The following DPYSL4 variants were observed in gnomAD, a reference collection of about 807,000 sequenced individuals.
DPYSL4 encodes the protein dihydropyrimidinase-related protein 4.
A neutral mutation model predicts 63.4 loss-of-function variants in DPYSL4; 43 were observed. The observed-to-expected ratio is 0.68, with a 90% confidence interval of 0.53 to 0.88. DPYSL4 has a LOEUF of 0.88. DPYSL4 is among the 40% of genes least tolerant of loss of function. The pLI is 0.00. For missense variants in DPYSL4, 733 were observed against 819.5 expected (o/e 0.89, Z 1.29); for synonymous variants, 353 against 331.7 (o/e 1.06, Z -0.70).
intron 8 of DPYSL4, among the ~76,000 whole-genome samples, chr10:132,199,887 C>T (rs2137518653): frequency 6.6e-6 from 1 of 151,942 alleles, no homozygotes; most frequent in Non-Finnish European, 1.5e-5. Context: ...TCAGGGGTAC[C>T]CCACCCGCCA....
At chr10:132,201,070 C>T (rs2062010544) in intron 10 of DPYSL4, 87 bp downstream of exon 10, 2 of 1,531,148 alleles carry the variant, frequency 1.3e-6, no homozygotes, top group East Asian at 2.3e-5. Context: ...GCCCATCTAA[C>T]CAGTGCACAC....
chr10:132,196,867 ACTC>A lies in DPYSL4; in HGVS notation c.488_490del (p.Ser163del), dbSNP rs1381017080. 1 of 1,613,314 alleles carries A rather than the reference ACTC, an allele frequency of 6.2e-7. No homozygotes were observed. The highest frequency in any genetic ancestry group is 8.5e-7 in the Non-Finnish European group (1 of 1,179,916). The stretch of plus-strand genomic sequence containing the variant: ...ACCCCTGCCTCTTCTCCAGGTGTGA[ACTC>A]CTTCCTGGTCTTCATGGCATACAAG... On this transcript the variant is annotated inframe_deletion, in exon 5 of 14. Coordinates refer to ENST00000338492, the MANE Select transcript of DPYSL4 (RefSeq NM_006426.3).
intron 11 of DPYSL4, 69 bp from the exon 12 acceptor site, chr10:132,202,577 C>A: frequency 2.5e-6 from 4 of 1,576,368 alleles, no homozygotes; most frequent in Middle Eastern, 2.3e-4. Flanking sequence ...AGTGCTCCAG[C>A]GGCTCAACGG....
chr10:132,200,215 G>A (rs992818556), intron 8 of DPYSL4, 141 bp from the exon 9 acceptor site: 99 of 1,096,160 alleles, frequency 9.0e-5, no homozygotes, highest in Non-Finnish European at 1.3e-4. Flanking sequence ...TCCTGCCCAG[G>A]GCCAGGGACT....
intron 13 of DPYSL4, 87 bp from the exon 14 acceptor site, chr10:132,204,752 G>C (rs1590108956): frequency 8.3e-7 from 1 of 1,202,754 alleles, no homozygotes; most frequent in Non-Finnish European, 1.2e-6. Flanking sequence ...CCCCACTGAC[G>C]CAGCCACTGA....
chr10:132,196,272 CAGG>C (rs2061943040), intron 4 of DPYSL4, among the ~76,000 whole-genome samples: 1 of 152,194 alleles, frequency 6.6e-6, no homozygotes. Flanking sequence ...GCCCAGGAAA[CAGG>C]AGAGCTCAGC....
chr10:132,204,723 G>T, intron 13 of DPYSL4, 116 bp from the exon 14 acceptor site: 3 of 811,296 alleles, frequency 3.7e-6, no homozygotes, highest in East Asian at 2.9e-5. Flanking sequence ...GCAGGTGTGC[G>T]GGGGCTCTGC....
chr10:132,203,955 G>A, intron 13 of DPYSL4, 28 bp downstream of exon 13: 1 of 1,578,440 alleles, frequency 6.3e-7, no homozygotes, highest in Non-Finnish European at 8.7e-7. Flanking sequence ...CACCAGTGGG[G>A]GTGAGGGGCT....
rs368616410 is a variant in DPYSL4, at chr10:132,204,852, T to C, written c.1641T>C (p.Asp547=). The C allele has an allele frequency of 1.2e-6, 2 of 1,611,144 alleles. No homozygotes were observed. The highest frequency in any genetic ancestry group is 1.3e-5 in the African/African-American group (1 of 74,824). ...SGFSLSGSQA[D]DHIARRTAQK... ...CCCTTTCTTCAGGGTCTCAGGCTGATGACCACATCGCCCGACGCACAGCAC... is the reference window on the plus strand; with the variant it reads ...CCCTTTCTTCAGGGTCTCAGGCTGACGACCACATCGCCCGACGCACAGCAC... Residue 547 remains aspartate, a synonymous_variant, in exon 14 of 14, where the codon GAT becomes GAC. Transcript: ENST00000338492.
rs2137522832 is a variant in DPYSL4, at chr10:132,201,989, G to A, written c.1154G>A (p.Ser385Asn). ...MDENEFVAVT[S>N]TNAAKIFNFY... ...GAGAATGAGTTCGTCGCGGTGACCA[G>A]TACAAATGCTGCCAAAATCTTCAAT... is the stretch of plus-strand genomic sequence containing the variant. Residue 385 changes from serine (S) to asparagine (N), a missense_variant, in exon 11 of 14, where the codon AGT becomes AAT. Physicochemically the swap from Ser to Asn is conservative, Grantham distance 46 (BLOSUM62 1). Coordinates refer to ENST00000338492, the MANE Select transcript of DPYSL4 (RefSeq NM_006426.3). 1 of 1,613,350 alleles carries A rather than the reference G, an allele frequency of 6.2e-7. No homozygotes were observed. Among genetic ancestry groups the A allele is most frequent in the Non-Finnish European group, 8.5e-7 (1 of 1,179,986 alleles).
chr10:132,204,887 T>C lies in DPYSL4; in HGVS notation c.1676T>C (p.Met559Thr), dbSNP rs768762394. The C allele has an allele frequency of 1.9e-6, 3 of 1,612,716 alleles. No homozygotes were observed. Among genetic ancestry groups the C allele is most frequent in the Non-Finnish European group, 2.5e-6 (3 of 1,179,274 alleles). ...HIARRTAQKI[M>T]APPGGRSNIT... ...GCCCGACGCACAGCACAGAAGATCA[T>C]GGCACCACCTGGCGGCCGCTCCAAC... is the stretch of plus-strand genomic sequence containing the variant. Residue 559 changes from methionine to threonine, a missense_variant, in exon 14 of 14, where the codon ATG becomes ACG. By Grantham distance (81) the Met-to-Thr change is moderately conservative (BLOSUM62 -1). Coordinates refer to ENST00000338492, the MANE Select transcript of DPYSL4 (RefSeq NM_006426.3).
Position 132,187,112 on chromosome 10 carries a change from G to A in DPYSL4, c.39+10G>A, listed in dbSNP as rs781697541. ...CATCCCCCGGATCACGGTGAGCCCG[G>A]TCCCGCTTCGCCCGGCGCCCCCTGC... On this transcript the variant is annotated intron_variant, in intron 1 of 13. Coordinates refer to ENST00000338492, the MANE Select transcript of DPYSL4 (RefSeq NM_006426.3). The A allele has an allele frequency of 6.7e-7, 1 of 1,501,006 alleles. No individual in the cohort carries two copies. Among genetic ancestry groups the A allele is most frequent in the Non-Finnish European group, 9.0e-7 (1 of 1,115,036 alleles). The allele number at this position is 1,501,006 out of a possible 1,614,324, so 93.0% of individuals were successfully genotyped here. A position where few individuals can be genotyped will look rare whatever the true frequency, so the allele number is the denominator to read the frequency against.
At chr10:132,194,754 T>C in intron 3 of DPYSL4, 91 bp from the exon 4 acceptor site, 3 of 1,529,906 alleles carry the variant, frequency 2.0e-6, no homozygotes, top group Non-Finnish European at 2.7e-6. Flanking sequence ...CTCTGGTCTC[T>C]TGGGAACATG....
In DPYSL4 at chr10:132,202,097, C is replaced by G; in HGVS notation, c.1262C>G (p.Ser421Cys). The G allele has an allele frequency of 6.2e-7, 1 of 1,612,694 alleles. No individual in the cohort carries two copies. The highest frequency in any genetic ancestry group is 8.5e-7 in the Non-Finnish European group (1 of 1,179,688). The change falls in exon 11 of 14, where the codon TCT becomes TGT. Residue 421 changes from serine (S) to cysteine (C), a missense_variant. By Grantham distance (112) the Ser-to-Cys change is moderately radical. Transcript: ENST00000338492. ...IWNPKATKII[S>C]AKTHNLNVEY... ...AACCCCAAGGCCACCAAGATCATCT[C>G]TGCCAAGACCCACAATCTGGTAAGA...
Position 132,203,644 on chromosome 10 carries a change from G to A in DPYSL4, c.1462-118G>A, listed in dbSNP as rs563756533. ...TTCCTGAAGCTGGCACTGGAGAGGC[G>A]CAGAGCAGGCCCAGCCCTCCAGCTG... On this transcript the variant is annotated intron_variant, in intron 12 of 13. Transcript: ENST00000338492. 499 of 1,007,138 alleles carry A rather than the reference G, an allele frequency of 5.0e-4. 9 individuals are homozygous for A. The South Asian group carries it at 7.0e-3, about 14-fold the overall frequency. The allele number at this position is 1,007,138 out of a possible 1,614,324, so 62.4% of individuals were successfully genotyped here.
At position 132,186,995 on chromosome 10, in the gene DPYSL4, CCCCCCGCCCGCCCGCCCGCCCGCCCG is replaced by C; in HGVS notation, c.-61_-36del. 5.5e-5 allele frequency: 2 copies of C among 36,144 alleles called. No individual in the cohort carries two copies. Among genetic ancestry groups the C allele is most frequent in the South Asian group, 4.8e-4 (1 of 2,064 alleles). 2.2% of individuals were successfully genotyped at this position (36,144 alleles called of 1,614,324 possible). ...CACGCACGCGTCCCGGCTCACGCGT[CCCCCCGCCCGCCCGCCCGCCCGCCCG>C]CCCCCGCTTGTGCCGCCCCTACCAG... is the stretch of plus-strand genomic sequence containing the variant. On this transcript the variant is annotated 5_prime_UTR_variant, in exon 1 of 14. Transcript: ENST00000338492.
chr10:132,197,885 G>A (rs557955904), intron 6 of DPYSL4, among the ~76,000 whole-genome samples: 5 of 152,224 alleles, frequency 3.3e-5, no homozygotes, highest in East Asian at 1.9e-4. Context: ...CGGCTGCACC[G>A]TCAGGAGGTT....
chr10:132,188,026 T>C (rs888076277), intron 1 of DPYSL4, among the ~76,000 whole-genome samples: 6 of 152,128 alleles, frequency 3.9e-5, no homozygotes, highest in African/African-American at 1.2e-4. Context: ...CCCCAGACTC[T>C]GAGCGAGGAA....
chr10:132,190,273 C>T (rs1440386438), intron 1 of DPYSL4, among the ~76,000 whole-genome samples: 2 of 152,256 alleles, frequency 1.3e-5, no homozygotes, highest in African/African-American at 4.8e-5. Flanking sequence ...CTCCTGGCAC[C>T]ATCACTGGTC....
Sources: gnomAD v4.1 joint callset for allele counts (sites outside exome capture counted in the v4.1 genomes callset) on GRCh38, gnomAD v4.1.1 for gene constraint, MANE v1.5 for transcripts, NCBI Gene and HGNC (gene_info 2026-07-23, HGNC 2026-07-21) for gene names.